Variants in CACNA1E observed in about 807,000 individuals in gnomAD.
CACNA1E encodes the protein calcium voltage-gated channel subunit alpha1 E.
A neutral mutation model predicts 259.2 loss-of-function variants in CACNA1E; 40 were observed. The observed-to-expected ratio is 0.15, with a 90% confidence interval of 0.12 to 0.20. The LOEUF (loss-of-function observed/expected upper bound fraction) is 0.20, where lower values mean the gene tolerates loss of function less well. Among genes scored for constraint, CACNA1E ranks in the 10% least tolerant of loss-of-function variants. The pLI, the probability that CACNA1E is intolerant of heterozygous loss-of-function variation, is 1.00. For synonymous variants in CACNA1E, 1,104 were observed against 1,138.5 expected, an observed-to-expected ratio of 0.97 and a Z score of 0.61; for missense variants, 1,874 against 3,040.1, an observed-to-expected ratio of 0.62 and a Z score of 9.02.
rs138919730 is a variant in CACNA1E, at chr1:181,457,767, T to C, written c.435-25977T>C. 1.4e-4 allele frequency among the ~76,000 whole-genome samples: 22 copies of C among 152,378 alleles called. No homozygotes were observed. In the East Asian group the frequency reaches 4.0e-3, roughly 28 times the overall value. On this transcript the variant is annotated intron_variant, in intron 2 of 11. Transcript: ENST00000524607. ...ACATATAGATGAAGTTGAACGAATG[T>C]CTGAGGCCAGGAATAGGAAAAATGT... is the stretch of plus-strand genomic sequence containing the variant.
intron 1 of CACNA1E, among the ~76,000 whole-genome samples, chr1:181,355,601 CA>C (rs1217701652): frequency 7.7e-6 from 1 of 130,314 alleles, no homozygotes; most frequent in African/African-American, 3.8e-5. Context: ...CAAAACAAAA[CA>C]AAACAAAACA....
chr1:181,475,461 G>A (rs1314928933), intron 2 of CACNA1E, among the ~76,000 whole-genome samples: 1 of 152,202 alleles, frequency 6.6e-6, no homozygotes, highest in Non-Finnish European at 1.5e-5. Context: ...ATTTGAACTG[G>A]ACCATGCATA....
intron 6 of CACNA1E, among the ~76,000 whole-genome samples, chr1:181,636,859 C>T (rs766576506): frequency 6.6e-6 from 1 of 152,194 alleles, no homozygotes; most frequent in Non-Finnish European, 1.5e-5. Flanking sequence ...CACTTTCAGG[C>T]CCAAATGCCA....
At position 181,790,491 on chromosome 1, in the gene CACNA1E, G is replaced by T; in HGVS notation, c.5833G>T (p.Asp1945Tyr). Residue 1945 changes from aspartate (D) to tyrosine (Y), a missense_variant, in exon 44 of 48, where the codon GAT becomes TAT. Asp to Tyr is a radical substitution (Grantham distance 160, BLOSUM62 -3). Coordinates refer to ENST00000367573, the MANE Select transcript of CACNA1E (RefSeq NM_001205293.3). ...YPSMSPLSPQDIFQLACMDPA... is the reference protein window; with the variant it reads ...YPSMSPLSPQYIFQLACMDPA... ...TTCGATGAGTCCACTCTCTCCCCAG[G>T]ATATATTCCAGTTGGCTTGTATGGA... The T allele has an allele frequency of 1.9e-6, 3 of 1,613,626 alleles. No individual in the cohort carries two copies. The highest frequency in any genetic ancestry group is 2.5e-6 in the Non-Finnish European group (3 of 1,179,624).
chr1:181,750,401 C>A, intron 25 of CACNA1E, 75 bp from the exon 26 acceptor site: 1 of 1,330,138 alleles, frequency 7.5e-7, no homozygotes, highest in Non-Finnish European at 1.1e-6. Context: ...TGTCTTTCTT[C>A]TCTCTACCCC....
At chr1:181,754,707 G>A (rs1187307649) in intron 27 of CACNA1E, among the ~76,000 whole-genome samples, 2 of 152,184 alleles carry the variant, frequency 1.3e-5, no homozygotes, top group African/African-American at 4.8e-5. Flanking sequence ...AATCATAAAT[G>A]TATGAACTTG....
chr1:181,677,641 A>C (rs564271499), intron 7 of CACNA1E, among the ~76,000 whole-genome samples: 1 of 152,332 alleles, frequency 6.6e-6, no homozygotes, highest in East Asian at 1.9e-4. Flanking sequence ...TTCCTCCCAC[A>C]GAAAGCTGAA....
intron 2 of CACNA1E, among the ~76,000 whole-genome samples, chr1:181,434,500 G>A (rs1659941455): frequency 1.3e-5 from 2 of 151,942 alleles, no homozygotes; most frequent in South Asian, 4.2e-4. Context: ...CAATAAGCAG[G>A]GTAAGTTTGG....
In CACNA1E at chr1:181,786,968, A is replaced by T. The variant is rs182932885; in HGVS notation, c.5786+1149A>T. Among the ~76,000 whole-genome samples, 323 of 151,802 alleles carry T rather than the reference A, an allele frequency of 2.1e-3. 4 individuals are homozygous for T. The highest frequency in any genetic ancestry group is 7.2e-3 in the African/African-American group (300 of 41,418). ...TCATGACCAAGGTCATTTTTTTTTT[A>T]AATAATTTGATGTTATGAAGTACAG... On this transcript the variant is annotated intron_variant, in intron 43 of 47. Transcript: ENST00000367573.
intron 6 of CACNA1E, among the ~76,000 whole-genome samples, chr1:181,619,647 G>A (rs1655547932): frequency 6.6e-6 from 1 of 152,180 alleles, no homozygotes; most frequent in Non-Finnish European, 1.5e-5. Context: ...ATATGAGTGA[G>A]AGATGATGGT....
intron 38 of CACNA1E, among the ~76,000 whole-genome samples, chr1:181,780,387 G>T (rs560678324): frequency 3.7e-4 from 57 of 152,290 alleles, no homozygotes; most frequent in Admixed American, 1.3e-4. Context: ...TATCCCAATG[G>T]CTCTACTAAG....
chr1:181,515,367 A>T (rs926294174), intron 3 of CACNA1E, among the ~76,000 whole-genome samples: 1 of 152,138 alleles, frequency 6.6e-6, no homozygotes, highest in African/African-American at 2.4e-5. Context: ...TAGAGAGTGG[A>T]TCAGAGTTCC....
At chr1:181,681,293 G>A (rs72733174) in intron 7 of CACNA1E, among the ~76,000 whole-genome samples, 17,911 of 152,216 alleles carry the variant, frequency 0.12, 1,095 homozygotes, top group Middle Eastern at 0.16. Flanking sequence ...TTTCAACTGT[G>A]TGGTAGATTC....
At chr1:181,526,220 G>A (rs1252603632) in intron 3 of CACNA1E, among the ~76,000 whole-genome samples, 1 of 152,068 alleles carries the variant, frequency 6.6e-6, no homozygotes, top group African/African-American at 2.4e-5. Flanking sequence ...TGTGAGGTAG[G>A]TACTATTATA....
intron 1 of CACNA1E, among the ~76,000 whole-genome samples, chr1:181,388,410 C>T (rs1656010353): frequency 6.6e-6 from 1 of 152,156 alleles, no homozygotes; most frequent in African/African-American, 2.4e-5. Context: ...GTGAACATCA[C>T]AGATACACAA....
chr1:181,734,918 C>A (rs186781306), intron 21 of CACNA1E, among the ~76,000 whole-genome samples: 20 of 152,248 alleles, frequency 1.3e-4, no homozygotes, highest in Admixed American at 9.8e-4. Context: ...CCCCATACCC[C>A]ATCCCTGCTC....
intron 8 of CACNA1E, among the ~76,000 whole-genome samples, chr1:181,714,087 C>T (rs1015007166): frequency 6.6e-6 from 1 of 152,106 alleles, no homozygotes; most frequent in African/African-American, 2.4e-5. Flanking sequence ...AGCATAGACC[C>T]CACAGGTTAA....
chr1:181,456,814 C>G (rs551162366), intron 2 of CACNA1E, among the ~76,000 whole-genome samples: 6 of 152,170 alleles, frequency 3.9e-5, no homozygotes, highest in Non-Finnish European at 7.3e-5. Context: ...TAATATTTAC[C>G]TGCAGTGTTA....
At chr1:181,746,435 C>A (rs1349615830) in intron 25 of CACNA1E, among the ~76,000 whole-genome samples, 2 of 152,192 alleles carry the variant, frequency 1.3e-5, no homozygotes, top group Non-Finnish European at 2.9e-5. Flanking sequence ...CTTGAGCAAC[C>A]TTGGTGTTCT....
Sources: gnomAD v4.1 joint callset for allele counts (sites outside exome capture counted in the v4.1 genomes callset) on GRCh38, gnomAD v4.1.1 for gene constraint, MANE v1.5 for transcripts, NCBI Gene and HGNC (gene_info 2026-07-23, HGNC 2026-07-21) for gene names.